USP25: variants seen among roughly 807,000 people sequenced by gnomAD.
USP25 encodes the protein ubiquitin specific peptidase 25.
In USP25, 85 loss-of-function variants were observed where a neutral mutation model predicts 158.5. That is an observed-to-expected ratio of 0.54 (90% CI 0.45 to 0.64). The LOEUF is 0.64. USP25 is among the 30% of genes least tolerant of loss of function. USP25 has a pLI of 0.00. For synonymous variants in USP25, 464 were observed against 460.4 expected, an observed-to-expected ratio of 1.01 and a Z score of -0.10; for missense variants, 1,242 against 1,327.3, an observed-to-expected ratio of 0.94 and a Z score of 1.00.
intron 4 of USP25, among the ~76,000 whole-genome samples, chr21:15,781,623 G>C (rs2034969395): frequency 1.3e-5 from 2 of 152,132 alleles, no homozygotes; most frequent in Admixed American, 1.3e-4. Flanking sequence ...GTGGAGCATA[G>C]AGTCAAGAAT....
At chr21:15,795,404 T>C (rs1193865170) in intron 5 of USP25, among the ~76,000 whole-genome samples, 2 of 151,666 alleles carry the variant, frequency 1.3e-5, no homozygotes, top group Non-Finnish European at 3.0e-5. Context: ...ACATGTTTGT[T>C]ATGGTCTTAA....
chr21:15,772,129 G>C (rs1300490020), intron 3 of USP25, among the ~76,000 whole-genome samples: 1 of 152,130 alleles, frequency 6.6e-6, no homozygotes, highest in Non-Finnish European at 1.5e-5. Flanking sequence ...ATGGGAAAGT[G>C]AATTATGAGT....
intron 3 of USP25, among the ~76,000 whole-genome samples, chr21:15,772,152 A>G (rs1386727618): frequency 6.6e-6 from 1 of 152,162 alleles, no homozygotes; most frequent in East Asian, 1.9e-4. Flanking sequence ...TAAACAATGC[A>G]TATATTTTGT....
intron 12 of USP25, 127 bp downstream of exon 12, chr21:15,825,188 T>C (rs934928563): frequency 1.1e-5 from 7 of 643,636 alleles, no homozygotes; most frequent in African/African-American, 3.8e-5. Context: ...GTGTGAATAG[T>C]TTTGAGTTTT....
chr21:15,830,130 C>T (rs868334893), intron 14 of USP25, among the ~76,000 whole-genome samples: 1 of 151,940 alleles, frequency 6.6e-6, no homozygotes, highest in Non-Finnish European at 1.5e-5. Flanking sequence ...TGATTATAGT[C>T]GATTTTTATT....
chr21:15,838,189 A>G (rs2038150583), intron 17 of USP25, among the ~76,000 whole-genome samples: 1 of 151,670 alleles, frequency 6.6e-6, no homozygotes, highest in African/African-American at 2.4e-5. Flanking sequence ...TCAGCCTCCC[A>G]AAGTGCTAGG....
rs768902141 is a variant in USP25 at position 15,874,458 on chromosome 21, T to A, written c.2941T>A (p.Leu981Met). ...TGCTTATCAGAATAACAAAGAACTC[T>A]TGTCTAAAGGCTTATACAGAGGACA... ...ICAYQNNKEL[L>M]SKGLYRGHDE... The change falls in exon 24 of 26, where the codon TTG (leucine) becomes ATG (methionine). Residue 981 changes from leucine (L) to methionine (M), a missense_variant. This residue lies in a region of USP25 where 608 missense variants were observed against 605.2 expected (regional missense o/e 1.00). Transcript: ENST00000400183. 4.3e-6 allele frequency: 7 copies of A among 1,611,610 alleles called. No individual in the cohort carries two copies. In the South Asian group the frequency reaches 7.7e-5, roughly 18 times the overall value.
Position 15,867,534 on chromosome 21 carries a change from G to A in USP25, c.2805+1190G>A, listed in dbSNP as rs562066644. On this transcript the variant is annotated intron_variant, in intron 22 of 25. Transcript: ENST00000400183. The stretch of plus-strand genomic sequence containing the variant: ...AAGCTTAAAATTTTTGTTGTCAAAA[G>A]CAAGGCAATGAAAATAAGCGAAAAG... Among the ~76,000 whole-genome samples, 6 of 151,992 alleles carry A rather than the reference G, an allele frequency of 3.9e-5. 1 individual carries two copies. In the East Asian group the frequency reaches 9.6e-4, roughly 24 times the overall value.
chr21:15,779,818 A>G (rs1395864273), intron 4 of USP25, among the ~76,000 whole-genome samples: 1 of 152,076 alleles, frequency 6.6e-6, no homozygotes, highest in Admixed American at 6.5e-5. Context: ...GATTCGGCAT[A>G]ATGTAACATG....
chr21:15,778,136 A>G (rs1279008248), intron 4 of USP25, 109 bp downstream of exon 4: 1 of 1,017,754 alleles, frequency 9.8e-7, no homozygotes, highest in Non-Finnish European at 1.3e-6. Flanking sequence ...GTTACTCTAA[A>G]CTAGTAATAT....
intron 9 of USP25, among the ~76,000 whole-genome samples, chr21:15,817,003 G>T (rs983280963): frequency 6.6e-6 from 1 of 151,776 alleles, no homozygotes; most frequent in Admixed American, 6.6e-5. Context: ...GTGGTGGTGG[G>T]CGCCTGTAAT....
intron 3 of USP25, among the ~76,000 whole-genome samples, chr21:15,772,371 T>C (rs2123465471): frequency 6.6e-6 from 1 of 152,320 alleles, no homozygotes. Flanking sequence ...AGATTACTGC[T>C]TAGATGCATT....
chr21:15,733,089 T>G (rs111617289), intron 1 of USP25, among the ~76,000 whole-genome samples: 14 of 143,852 alleles, frequency 9.7e-5, no homozygotes, highest in African/African-American at 3.7e-4. Context: ...TCTCAGAAAT[T>G]TGATACATAG....
chr21:15,753,067 G>A (rs1040955691), intron 1 of USP25, among the ~76,000 whole-genome samples: 1 of 152,170 alleles, frequency 6.6e-6, no homozygotes, highest in East Asian at 1.9e-4. Flanking sequence ...ATTCTTTAGG[G>A]CATTGTTGCC....
In USP25 at chr21:15,847,735, A is replaced by G; in HGVS notation, c.2410A>G (p.Lys804Glu). The G allele has an allele frequency of 6.5e-7, 1 of 1,550,174 alleles. No homozygotes were observed. Among genetic ancestry groups the G allele is most frequent in the Non-Finnish European group, 8.7e-7 (1 of 1,146,642 alleles). The change falls in exon 19 of 26, where the codon AAA (lysine) becomes GAA (glutamate). Residue 804 changes from lysine (K) to glutamate (E), a missense_variant. Around this residue, in one of 3 missense-constraint regions of USP25, gnomAD observed 608 missense variants for 605.2 expected, o/e 1.00. Transcript: ENST00000400183. ...AGAGGTGGCGATCCCTCATGTAGGGAAATTTATGATTGAATCAAAGGAGGG... is the reference window on the plus strand; with the variant it reads ...AGAGGTGGCGATCCCTCATGTAGGGGAATTTATGATTGAATCAAAGGAGGG... ...VVEVAIPHVG[K>E]FMIESKEGGY... is the part of the protein sequence containing the mutation.
At chr21:15,746,206 T>C (rs777661569) in intron 1 of USP25, among the ~76,000 whole-genome samples, 1 of 152,224 alleles carries the variant, frequency 6.6e-6, no homozygotes, top group African/African-American at 2.4e-5. Flanking sequence ...TGAGGTACTT[T>C]GAACAGTTGG....
chr21:15,740,526 G>T (rs963312436), intron 1 of USP25, among the ~76,000 whole-genome samples: 1 of 151,942 alleles, frequency 6.6e-6, no homozygotes, highest in African/African-American at 2.4e-5. Context: ...AGGTGGCTAG[G>T]TGGGATACTT....
intron 4 of USP25, among the ~76,000 whole-genome samples, chr21:15,785,157 C>T (rs964252687): frequency 6.6e-6 from 1 of 151,590 alleles, no homozygotes; most frequent in Non-Finnish European, 1.5e-5. Context: ...TAAAAAGAGA[C>T]AAAGTCATTA....
chr21:15,837,806 C>T (rs1033991868), intron 17 of USP25, among the ~76,000 whole-genome samples: 11 of 152,120 alleles, frequency 7.2e-5, no homozygotes, highest in African/African-American at 2.7e-4. Flanking sequence ...TCTGGAACTT[C>T]TCTACACTGT....
Sources: allele counts gnomAD v4.1 joint callset (sites outside exome capture counted in the v4.1 genomes callset), GRCh38; gene constraint gnomAD v4.1.1; regional missense constraint gnomAD v4.1.1; transcripts MANE v1.5; gene names NCBI Gene and HGNC (gene_info 2026-07-23, HGNC 2026-07-21).